Variants in FTCDNL1 observed in about 807,000 individuals in gnomAD.
The protein encoded by FTCDNL1 is formiminotransferase N-terminal subdomain-containing protein.
FTCDNL1 carries 11 observed loss-of-function variants against 5.9 expected under a neutral mutation model. The observed-to-expected ratio is 1.87, with a 90% CI of 1.18 to 3.10. The LOEUF is 3.10. Ranked by LOEUF, FTCDNL1 falls within the 30% of genes most tolerant of loss-of-function variation. The pLI is 0.00. For missense variants in FTCDNL1, 115 were observed against 65.5 expected, an observed-to-expected ratio of 1.76 and a Z score of -2.61; for synonymous variants, 58 against 24.8, an observed-to-expected ratio of 2.34 and a Z score of -3.99.
intron 3 of FTCDNL1, among the ~76,000 whole-genome samples, chr2:199,767,975 A>G (rs1367059552): frequency 6.6e-6 from 1 of 152,236 alleles, no homozygotes; most frequent in Non-Finnish European, 1.5e-5. Context: ...AAAGTAAGAA[A>G]TTTCTCAATT....
chr2:199,775,115 G>A (rs1321255502), intron 3 of FTCDNL1, among the ~76,000 whole-genome samples: 1 of 152,190 alleles, frequency 6.6e-6, no homozygotes, highest in Non-Finnish European at 1.5e-5. Flanking sequence ...CAGCTGGCCA[G>A]CAAGTAATGC....
At chr2:199,762,984 A>T (rs986756191) in intron 3 of FTCDNL1, among the ~76,000 whole-genome samples, 1 of 152,220 alleles carries the variant, frequency 6.6e-6, no homozygotes, top group Non-Finnish European at 1.5e-5. Flanking sequence ...GAGAAATCAC[A>T]TACTTGTCAT....
At chr2:199,794,151 T>C (rs770133454) in intron 3 of FTCDNL1, among the ~76,000 whole-genome samples, 1 of 152,236 alleles carries the variant, frequency 6.6e-6, no homozygotes, top group Non-Finnish European at 1.5e-5. Flanking sequence ...ATTAATCTTA[T>C]TAATCCTATC....
the FTCDNL1 span, among the ~76,000 whole-genome samples, chr2:199,701,358 G>A: frequency 3.3e-5 from 4 of 119,650 alleles, no homozygotes; most frequent in East Asian, 2.4e-4. Context: ...AAAAACCACC[G>A]CATGCTGGCA....
At chr2:199,827,511 C>T (rs913574127) in intron 3 of FTCDNL1, among the ~76,000 whole-genome samples, 9 of 151,922 alleles carry the variant, frequency 5.9e-5, no homozygotes, top group African/African-American at 2.2e-4. Context: ...GTGATGGTGG[C>T]ATTACAGTTA....
the FTCDNL1 span, among the ~76,000 whole-genome samples, chr2:199,729,146 T>C: frequency 4.6e-5 from 7 of 152,200 alleles, no homozygotes; most frequent in African/African-American, 1.7e-4. Flanking sequence ...AAAAGTTGAA[T>C]ATATAGAGAA....
intron 3 of FTCDNL1, among the ~76,000 whole-genome samples, chr2:199,823,727 G>A (rs1701840921): frequency 6.6e-6 from 1 of 152,132 alleles, no homozygotes; most frequent in African/African-American, 2.4e-5. Flanking sequence ...CTTTGTTGTT[G>A]CATTTATAGA....
chr2:199,733,784 T>G, the FTCDNL1 span, among the ~76,000 whole-genome samples: 1 of 152,228 alleles, frequency 6.6e-6, no homozygotes, highest in South Asian at 2.1e-4. Flanking sequence ...GAAATTAAAT[T>G]TAAGCAAAGC....
intron 3 of FTCDNL1, among the ~76,000 whole-genome samples, chr2:199,841,691 C>T (rs1263939357): frequency 6.6e-6 from 1 of 152,038 alleles, no homozygotes; most frequent in Non-Finnish European, 1.5e-5. Context: ...TTCCCTCAAA[C>T]CTCCTTTCTT....
chr2:199,802,614 G>T (rs547866270), intron 3 of FTCDNL1, among the ~76,000 whole-genome samples: 1 of 152,218 alleles, frequency 6.6e-6, no homozygotes, highest in South Asian at 2.1e-4. Flanking sequence ...AATACTGATG[G>T]GGACTACTCT....
intron 3 of FTCDNL1, among the ~76,000 whole-genome samples, chr2:199,763,242 G>A (rs1322336653): frequency 6.6e-6 from 1 of 152,160 alleles, no homozygotes; most frequent in Non-Finnish European, 1.5e-5. Context: ...AGACCATGCA[G>A]GAAAACCAGG....
chr2:199,841,409 A>G (rs1574684529), intron 3 of FTCDNL1, among the ~76,000 whole-genome samples: 2 of 152,208 alleles, frequency 1.3e-5, no homozygotes, highest in Middle Eastern at 6.8e-3. Context: ...ATAAATAAAT[A>G]AATACCAATG....
chr2:199,792,211 C>T (rs1699967573), intron 3 of FTCDNL1, among the ~76,000 whole-genome samples: 2 of 152,206 alleles, frequency 1.3e-5, no homozygotes, highest in Admixed American at 6.5e-5. Context: ...AAATATGAAG[C>T]CCCAAAGCAA....
At chr2:199,808,943 A>G (rs1246984520), downstream of FTCDNL1, among the ~76,000 whole-genome samples, 1 of 152,178 alleles carries the variant, frequency 6.6e-6, no homozygotes, top group Non-Finnish European at 1.5e-5. Flanking sequence ...CGGGCCACAC[A>G]GCCTCCGCCA....
At chr2:199,688,059 C>A in the FTCDNL1 span, among the ~76,000 whole-genome samples, 1 of 151,784 alleles carries the variant, frequency 6.6e-6, no homozygotes, top group Non-Finnish European at 1.5e-5. Flanking sequence ...CCAGCCTGGG[C>A]AACATAGCGA....
the FTCDNL1 span, among the ~76,000 whole-genome samples, chr2:199,715,994 G>A: frequency 7.5e-6 from 1 of 132,672 alleles, no homozygotes; most frequent in East Asian, 2.3e-4. Context: ...AATATATCCC[G>A]CATGTGAAAA....
intron 3 of FTCDNL1, among the ~76,000 whole-genome samples, chr2:199,771,494 T>C (rs1056717499): frequency 1.3e-5 from 2 of 152,188 alleles, no homozygotes; most frequent in Non-Finnish European, 2.9e-5. Context: ...GAATTCATGA[T>C]AAATACACAT....
intron 3 of FTCDNL1, among the ~76,000 whole-genome samples, chr2:199,834,066 G>A (rs2106594168): frequency 6.6e-6 from 1 of 152,196 alleles, no homozygotes; most frequent in South Asian, 2.1e-4. Context: ...TCTGGAATAG[G>A]GTCATTGCAG....
At chr2:199,707,007 T>C in the FTCDNL1 span, among the ~76,000 whole-genome samples, 5 of 152,358 alleles carry the variant, frequency 3.3e-5, no homozygotes, top group South Asian at 8.3e-4. Context: ...TCTGGCCATA[T>C]TTGAGCTTTC....
Sources: gnomAD v4.1 joint callset for allele counts (sites outside exome capture counted in the v4.1 genomes callset) on GRCh38, gnomAD v4.1.1 for gene constraint, MANE v1.5 for transcripts, NCBI Gene and HGNC (gene_info 2026-07-23, HGNC 2026-07-21) for gene names.